The following UBXN7 variants were observed in gnomAD, a reference collection of about 807,000 sequenced individuals.
The protein encoded by UBXN7 is UBX domain protein 7, also known as UBX domain-containing protein 7.
Under a neutral mutation model 58.0 loss-of-function variants are expected in UBXN7, and 9 were observed. The observed-to-expected ratio is 0.16, with a 90% CI of 0.09 to 0.27. The LOEUF is 0.27. Ranked by LOEUF, UBXN7 falls within the 10% of genes least tolerant of loss-of-function variation. The pLI, the probability that UBXN7 is intolerant of heterozygous loss-of-function variation, is 1.00. For synonymous variants in UBXN7, 208 were observed against 205.0 expected (o/e 1.01, Z -0.12); for missense variants, 328 against 599.6 (o/e 0.55, Z 4.73).
intron 5 of UBXN7, among the ~76,000 whole-genome samples, chr3:196,375,124 TTAA>T (rs1428611423): frequency 1.3e-5 from 2 of 149,892 alleles, no homozygotes; most frequent in Admixed American, 6.7e-5. Context: ...AGGACTATAC[TTAA>T]TAATATCGTA....
chr3:196,358,478 G>A (rs1358628220), intron 10 of UBXN7, among the ~76,000 whole-genome samples: 2 of 152,190 alleles, frequency 1.3e-5, no homozygotes, highest in Non-Finnish European at 2.9e-5. Context: ...GCTCCCACCT[G>A]TAATCCCTGC....
intron 5 of UBXN7, among the ~76,000 whole-genome samples, chr3:196,377,624 C>A (rs893286841): frequency 6.6e-6 from 1 of 152,090 alleles, no homozygotes; most frequent in Non-Finnish European, 1.5e-5. Flanking sequence ...TGGCCCTGAA[C>A]AAAATACAGC....
At chr3:196,408,035 T>C (rs1730214097) in intron 1 of UBXN7, among the ~76,000 whole-genome samples, 1 of 145,466 alleles carries the variant, frequency 6.9e-6, no homozygotes, top group African/African-American at 2.6e-5. Context: ...GAGGCAGAGG[T>C]TGCAATGAGC....
chr3:196,397,948 C>T (rs1174760606), intron 3 of UBXN7, among the ~76,000 whole-genome samples: 1 of 152,174 alleles, frequency 6.6e-6, no homozygotes, highest in African/African-American at 2.4e-5. Context: ...ATGTGGTAGG[C>T]AGTGTCTAAG....
chr3:196,411,050 C>T (rs149918508), intron 1 of UBXN7, among the ~76,000 whole-genome samples: 3 of 152,212 alleles, frequency 2.0e-5, no homozygotes, highest in East Asian at 1.9e-4. Flanking sequence ...TGAAATCAAC[C>T]GAAATGTTAC....
rs763840960 is a variant in UBXN7, at chr3:196,371,907, T to C, written c.604A>G (p.Ile202Val). The change falls in exon 6 of 11, where the codon ATT becomes GTT. Residue 202 changes from isoleucine to valine, a missense_variant. Coordinates refer to ENST00000296328, the MANE Select transcript of UBXN7 (RefSeq NM_015562.2). Reference protein sequence around the residue: ...AVKNIIREHFIFWQVYHDSEE... With the variant: ...AVKNIIREHFVFWQVYHDSEE... ...ACTCTCCTTCTCACCTGCCAGAAAA[T>C]GAAATGTTCCCGGATAATATTCTTC... 3.1e-6 allele frequency: 5 copies of C among 1,609,822 alleles called. No individual in the cohort carries two copies. The South Asian group carries it at 4.5e-5, about 14-fold the overall frequency.
At chr3:196,373,477 G>A (rs578014011) in intron 5 of UBXN7, among the ~76,000 whole-genome samples, 2 of 152,262 alleles carry the variant, frequency 1.3e-5, no homozygotes, top group South Asian at 2.1e-4. Context: ...ACAGTGACAC[G>A]AAACCACAGT....
intron 3 of UBXN7, among the ~76,000 whole-genome samples, chr3:196,399,556 A>T (rs556725182): frequency 6.6e-6 from 1 of 152,018 alleles, no homozygotes; most frequent in South Asian, 2.1e-4. Context: ...CCCACCTCAG[A>T]CTCCCAAGTA....
Position 196,429,706 on chromosome 3 carries a change from G to A in UBXN7, c.73+2621C>T, listed in dbSNP as rs1436073109. Among the ~76,000 whole-genome samples the A allele has an allele frequency of 2.6e-5, 4 of 152,154 alleles. No individual in the cohort carries two copies. The East Asian group carries it at 7.7e-4, about 29-fold the overall frequency. On this transcript the variant is annotated intron_variant, in intron 1 of 10. Transcript: ENST00000296328. Reference sequence around the variant, plus strand: ...AAAAAATTTTAAGACATGTAAAAAAGGCAAAAAGAAATCAATCATGTGTTT... The same window carrying A: ...AAAAAATTTTAAGACATGTAAAAAAAGCAAAAAGAAATCAATCATGTGTTT...
At chr3:196,382,674 A>C (rs1341455582) in intron 5 of UBXN7, among the ~76,000 whole-genome samples, 2 of 152,230 alleles carry the variant, frequency 1.3e-5, no homozygotes, top group Non-Finnish European at 2.9e-5. Context: ...AAATGCCCCA[A>C]TTAAAAGACA....
chr3:196,416,485 A>G (rs1235850973), intron 1 of UBXN7, among the ~76,000 whole-genome samples: 1 of 152,118 alleles, frequency 6.6e-6, no homozygotes, highest in Admixed American at 6.6e-5. Flanking sequence ...CACTGCATAC[A>G]AATATTGTTG....
At chr3:196,419,103 T>C (rs888744063) in intron 1 of UBXN7, among the ~76,000 whole-genome samples, 1 of 152,010 alleles carries the variant, frequency 6.6e-6, no homozygotes, top group Non-Finnish European at 1.5e-5. Flanking sequence ...CCATCTCTAC[T>C]AAAAATAACC....
At chr3:196,364,183 A>G (rs1325736781) in intron 8 of UBXN7, among the ~76,000 whole-genome samples, 4 of 152,224 alleles carry the variant, frequency 2.6e-5, no homozygotes, top group African/African-American at 9.6e-5. Flanking sequence ...CTAATGCCAC[A>G]GATTTTACTA....
chr3:196,379,217 G>C (rs539606207), intron 5 of UBXN7, among the ~76,000 whole-genome samples: 174 of 140,696 alleles, frequency 1.2e-3, no homozygotes, highest in African/African-American at 4.1e-3. Flanking sequence ...GTTGGTTTTG[G>C]GGGGTTTTAG....
intron 8 of UBXN7, among the ~76,000 whole-genome samples, chr3:196,366,029 T>C (rs1728654829): frequency 6.6e-6 from 1 of 152,032 alleles, no homozygotes; most frequent in African/African-American, 2.4e-5. Context: ...AAGCATTACA[T>C]GGAAGAAAGG....
chr3:196,429,843 C>T (rs1317568678), intron 1 of UBXN7, among the ~76,000 whole-genome samples: 5 of 152,186 alleles, frequency 3.3e-5, no homozygotes, highest in African/African-American at 1.2e-4. Context: ...CCAGATACCA[C>T]TGTCTACTGA....
At chr3:196,426,171 G>A (rs1730842216) in intron 1 of UBXN7, among the ~76,000 whole-genome samples, 1 of 151,978 alleles carries the variant, frequency 6.6e-6, no homozygotes, top group Non-Finnish European at 1.5e-5. Flanking sequence ...ATCACCTGAG[G>A]TCAAGAGTTT....
chr3:196,432,416 C>T lies in UBXN7; in HGVS notation c.-17G>A. 6.3e-7 allele frequency: 1 copy of T among 1,582,212 alleles called. No individual in the cohort carries two copies. The highest frequency in any genetic ancestry group is 8.6e-7 in the Non-Finnish European group (1 of 1,160,540). On this transcript the variant is annotated 5_prime_UTR_variant, in exon 1 of 11. Transcript: ENST00000296328. Reference sequence around the variant, plus strand: ...GGCAGCCATCTTACCGCCGCCGCCGCCGCCGAACAACAACACAGACACACA... The same window carrying T: ...GGCAGCCATCTTACCGCCGCCGCCGTCGCCGAACAACAACACAGACACACA...
chr3:196,367,883 A>G, intron 8 of UBXN7, 145 bp downstream of exon 8: 1 of 1,128,146 alleles, frequency 8.9e-7, no homozygotes, highest in Non-Finnish European at 1.2e-6. Context: ...TCAAAATATA[A>G]GGAGGATATC....
Sources: gnomAD v4.1 joint callset for allele counts (sites outside exome capture counted in the v4.1 genomes callset) on GRCh38, gnomAD v4.1.1 for gene constraint, MANE v1.5 for transcripts, NCBI Gene and HGNC (gene_info 2026-07-23, HGNC 2026-07-21) for gene names.